LIPA: variants seen among roughly 807,000 people sequenced by gnomAD.
LIPA encodes lysosomal acid lipase/cholesteryl ester hydrolase.
LIPA carries 26 observed loss-of-function variants against 40.6 expected under a neutral mutation model. That is an observed-to-expected ratio of 0.64 (90% CI 0.47 to 0.89). The LOEUF is 0.89. Among genes scored for constraint, LIPA ranks in the 40% least tolerant of loss-of-function variants. The pLI, the probability that LIPA is intolerant of heterozygous loss-of-function variation, is 0.00. For synonymous variants in LIPA, 188 were observed against 168.4 expected (o/e 1.12, Z -0.90); for missense variants, 455 against 479.6 (o/e 0.95, Z 0.48).
intron 1 of LIPA, among the ~76,000 whole-genome samples, chr10:89,311,924 G>A (rs530335360): frequency 2.1e-3 from 325 of 152,228 alleles, no homozygotes; most frequent in Non-Finnish European, 3.9e-3. Context: ...TTCAAGTGTG[G>A]AATCTGTATG....
intron 1 of LIPA, among the ~76,000 whole-genome samples, chr10:89,314,848 T>C (rs1317608476): frequency 6.6e-6 from 1 of 152,228 alleles, no homozygotes; most frequent in Non-Finnish European, 1.5e-5. Context: ...ATTCATTACA[T>C]AAGAATCTAT....
chr10:89,346,622 C>G (rs1172768787), upstream of LIPA, among the ~76,000 whole-genome samples: 3 of 152,178 alleles, frequency 2.0e-5, no homozygotes, highest in Admixed American at 2.0e-4. Context: ...TGAGCTCCCT[C>G]TTGATTATAA....
chr10:89,222,620 G>A (rs1458615454), intron 7 of LIPA, 38 bp from the exon 8 acceptor site: 3 of 1,230,964 alleles, frequency 2.4e-6, no homozygotes, highest in Admixed American at 3.4e-5. Flanking sequence ...AATGAAAACA[G>A]CATTAAGGTG....
chr10:89,319,789 T>G (rs946433716), intron 1 of LIPA, among the ~76,000 whole-genome samples: 1 of 152,212 alleles, frequency 6.6e-6, no homozygotes, highest in Non-Finnish European at 1.5e-5. Context: ...ATACCCCTGA[T>G]GAACATCGAT....
chr10:89,291,484 A>C (rs1843374390), intron 1 of LIPA, among the ~76,000 whole-genome samples: 1 of 152,144 alleles, frequency 6.6e-6, no homozygotes, highest in Non-Finnish European at 1.5e-5. Flanking sequence ...AGTATTTATT[A>C]TAGTTAACCT....
At chr10:89,222,917 GAA>G (rs970787453) in intron 7 of LIPA, among the ~76,000 whole-genome samples, 1 of 152,042 alleles carries the variant, frequency 6.6e-6, no homozygotes, top group Non-Finnish European at 1.5e-5. Flanking sequence ...TCAGACAAAA[GAA>G]AAATGGCACT....
intron 1 of LIPA, among the ~76,000 whole-genome samples, chr10:89,317,360 G>C (rs757259985): frequency 6.6e-6 from 1 of 152,232 alleles, no homozygotes; most frequent in African/African-American, 2.4e-5. Context: ...AAAGAGCGTA[G>C]AGAAGACCTT....
At chr10:89,359,504 G>A (rs546860547) in intron 2 of LIPA, among the ~76,000 whole-genome samples, 1 of 152,282 alleles carries the variant, frequency 6.6e-6, no homozygotes, top group East Asian at 1.9e-4. Flanking sequence ...GACCTGCCCA[G>A]GGCCTTAGCA....
rs117026401 is a variant in LIPA at position 89,372,194 on chromosome 10, A to T, written c.61+40597T>A. ...TATCTGCTTTTGCAGGATTACCATG[A>T]CTTGAGATACAAGAACAGGTTTATG... On this transcript the variant is annotated intron_variant, in intron 2 of 8. Transcript: ENST00000371837. Among the ~76,000 whole-genome samples the T allele has an allele frequency of 9.2e-5, 14 of 152,336 alleles. No homozygotes were observed. The East Asian group carries it at 2.3e-3, about 25-fold the overall frequency.
At chr10:89,249,089 C>A (rs1014540696) in intron 1 of LIPA, among the ~76,000 whole-genome samples, 5 of 152,222 alleles carry the variant, frequency 3.3e-5, no homozygotes, top group Admixed American at 6.5e-5. Flanking sequence ...ACTTATCTAA[C>A]CACTTCTGTT....
intron 1 of LIPA, among the ~76,000 whole-genome samples, chr10:89,260,062 G>T (rs915326014): frequency 2.6e-5 from 4 of 152,062 alleles, no homozygotes; most frequent in Non-Finnish European, 2.9e-5. Flanking sequence ...ACTTCGATAA[G>T]CCTATTTAAA....
At chr10:89,388,406 GA>G (rs1253445848) in intron 2 of LIPA, among the ~76,000 whole-genome samples, 17 of 151,980 alleles carry the variant, frequency 1.1e-4, no homozygotes, top group Non-Finnish European at 2.9e-5. Context: ...GCGCCTGGCC[GA>G]AAAAAATTCT....
chr10:89,411,245 C>T (rs565906822), intron 2 of LIPA, among the ~76,000 whole-genome samples: 2 of 152,212 alleles, frequency 1.3e-5, no homozygotes, highest in South Asian at 4.1e-4. Flanking sequence ...GGAGGAACTC[C>T]CTTCAGGACA....
intron 1 of LIPA, among the ~76,000 whole-genome samples, chr10:89,303,070 T>G (rs749151429): frequency 3.9e-5 from 6 of 152,078 alleles, no homozygotes; most frequent in Non-Finnish European, 5.9e-5. Flanking sequence ...TCACCCAGAA[T>G]CTATAGAACC....
chr10:89,221,521 T>C, intron 8 of LIPA, among the ~76,000 whole-genome samples: 1 of 152,230 alleles, frequency 6.6e-6, no homozygotes, highest in East Asian at 1.9e-4. Context: ...AATAGTGTAC[T>C]TTTTAAAGCA....
chr10:89,361,422 G>A (rs1213072212), intron 2 of LIPA, among the ~76,000 whole-genome samples: 1 of 152,192 alleles, frequency 6.6e-6, no homozygotes, highest in African/African-American at 2.4e-5. Context: ...AGAAGCAGTT[G>A]TTTTCAAATC....
intron 1 of LIPA, among the ~76,000 whole-genome samples, chr10:89,270,144 A>C (rs1843257512): frequency 6.6e-6 from 1 of 152,242 alleles, no homozygotes; most frequent in South Asian, 2.1e-4. Flanking sequence ...ATTCCCTAGC[A>C]TGTGGTGTGC....
intron 2 of LIPA, among the ~76,000 whole-genome samples, chr10:89,390,814 A>G (rs1844242223): frequency 6.6e-6 from 1 of 152,228 alleles, no homozygotes; most frequent in Admixed American, 6.5e-5. Flanking sequence ...TCTGCATGCT[A>G]TCTAGTGCAT....
chr10:89,223,958 A>T, intron 6 of LIPA, 128 bp from the exon 7 acceptor site: 1 of 869,672 alleles, frequency 1.1e-6, no homozygotes, highest in East Asian at 2.5e-5. Flanking sequence ...GAGAATGGCA[A>T]CCAGTGGACA....
Sources: allele counts gnomAD v4.1 joint callset (sites outside exome capture counted in the v4.1 genomes callset), GRCh38; gene constraint gnomAD v4.1.1; transcripts MANE v1.5; gene names NCBI Gene and HGNC (gene_info 2026-07-23, HGNC 2026-07-21).